Variants in KIF7 observed in about 807,000 individuals in gnomAD.
KIF7 encodes the protein kinesin family member 7.
KIF7 carries 104 observed loss-of-function variants against 135.7 expected under a neutral mutation model. That is an observed-to-expected ratio of 0.77 (90% confidence interval 0.65 to 0.90). The LOEUF is 0.90. KIF7 is among the 40% of genes least tolerant of loss of function. The pLI is 0.00. For missense variants in KIF7, 2,005 were observed against 1,839.1 expected, an observed-to-expected ratio of 1.09 and a Z score of -1.65; for synonymous variants, 883 against 809.4, an observed-to-expected ratio of 1.09 and a Z score of -1.54.
rs1490175423 is a variant in KIF7 at position 89,628,141 on chromosome 15, G to A, written c.*278C>T. 2 of 406,238 alleles carry A rather than the reference G, an allele frequency of 4.9e-6. No homozygotes were observed. Among genetic ancestry groups the A allele is most frequent in the Middle Eastern group, 6.5e-4 (1 of 1,530 alleles). 25.2% of individuals were successfully genotyped at this position (406,238 alleles called of 1,614,324 possible). On this transcript the variant is annotated 3_prime_UTR_variant, in exon 19 of 19. Coordinates refer to ENST00000394412, the MANE Select transcript of KIF7 (RefSeq NM_198525.3). ...ACTACAAGCACATCCATTTACGCCT[G>A]AAACCAGAATTGTCCTGAGATTCGA...
chr15:89,627,032 C>T, downstream of KIF7: 2 of 1,614,174 alleles, frequency 1.2e-6, no homozygotes, highest in Non-Finnish European at 8.5e-7. Context: ...GGCGCCCCAT[C>T]AGCAGAACTT....
At chr15:89,657,400 A>G (rs1303927017), upstream of KIF7, among the ~76,000 whole-genome samples, 1 of 151,960 alleles carries the variant, frequency 6.6e-6, no homozygotes, top group African/African-American at 2.4e-5. Flanking sequence ...AAAAACTTTC[A>G]TGTTACAATA....
rs778629024 is a variant in KIF7, at chr15:89,652,612, C to T, written c.319G>A (p.Ala107Thr). 29 of 1,525,078 alleles carry T rather than the reference C, an allele frequency of 1.9e-5. No homozygotes were observed. Among genetic ancestry groups the T allele is most frequent in the Non-Finnish European group, 2.6e-5 (29 of 1,127,812 alleles). 94.5% of individuals were successfully genotyped at this position (1,525,078 alleles called of 1,614,324 possible). Reference protein sequence around the residue: ...GSGKTYTMGEASVASLLEDEQ... With the variant: ...GSGKTYTMGETSVASLLEDEQ... ...GAACAGGGTCACTCACCCACACTGG[C>T]CTCCCCCATGGTGTATGTCTTCCCT... is the stretch of plus-strand genomic sequence containing the variant. The change falls in exon 2 of 19, where the codon GCC (alanine) becomes ACC (threonine). Residue 107 changes from alanine to threonine, a missense_variant. Transcript: ENST00000394412.
upstream of KIF7, among the ~76,000 whole-genome samples, chr15:89,655,704 C>G (rs1014831325): frequency 6.6e-6 from 1 of 152,212 alleles, no homozygotes; most frequent in Non-Finnish European, 1.5e-5. Context: ...ATCCTGTCCT[C>G]AGCCCCGAGT....
rs951219354 is a variant in KIF7, at chr15:89,646,678, C to T, written c.1788+152G>A. On this transcript the variant is annotated intron_variant, in intron 7 of 18. Transcript: ENST00000394412. ...AGAGTCATTCAAATCTTGGCTCTTC[C>T]TCTGGGGACAGCTGAAAGCAGCCTC... 1.1e-5 allele frequency: 8 copies of T among 740,930 alleles called. No individual in the cohort carries two copies. The African/African-American group carries it at 1.4e-4, about 13-fold the overall frequency. 45.9% of individuals were successfully genotyped at this position (740,930 alleles called of 1,614,324 possible).
chr15:89,622,122 A>C (rs1963437048), intron 1 of KIF7, among the ~76,000 whole-genome samples: 1 of 151,466 alleles, frequency 6.6e-6, no homozygotes, highest in Admixed American at 6.6e-5. Context: ...AGTAGCTAGG[A>C]TTACAGGCAC....
At position 89,631,619 on chromosome 15, in the gene KIF7, C is replaced by A; in HGVS notation, c.2987G>T (p.Ser996Ile). 1.3e-6 allele frequency: 2 copies of A among 1,561,072 alleles called. No homozygotes were observed. The highest frequency in any genetic ancestry group is 1.4e-5 in the African/African-American group (1 of 73,552). ...SEKSGQLRQG[S>I]AQSQQQIRGE... ...GCGGATCTGCTGCTGGCTCTGGGCG[C>A]TGCCCTGCCGCAGCTGCCCGCTCTT... Residue 996 changes from serine to isoleucine, a missense_variant, in exon 15 of 19, where the codon AGC becomes ATC. Physicochemically the swap from Ser to Ile is moderately radical, Grantham distance 142. Transcript: ENST00000394412.
chr15:89,624,214 T>C (rs1490641777), downstream of KIF7: 1 of 1,614,168 alleles, frequency 6.2e-7, no homozygotes, highest in Admixed American at 1.7e-5. Flanking sequence ...AACTGTGACT[T>C]CTTCCCCACC....
At position 89,652,946 on chromosome 15, in the gene KIF7, C is replaced by G. The variant is rs1171370221; in HGVS notation, c.-16G>C. On this transcript the variant is annotated 5_prime_UTR_variant, in exon 2 of 19. Transcript: ENST00000394412. ...CCAGCCCCATGCCGAGGGAGGACTG[C>G]TCTGGGCCCTGTGGAGAGAGAGAGA... The G allele has an allele frequency of 6.7e-7, 1 of 1,488,814 alleles. No individual in the cohort carries two copies. The highest frequency in any genetic ancestry group is 1.4e-5 in the African/African-American group (1 of 71,934). The allele number at this position is 1,488,814 out of a possible 1,614,324, so 92.2% of individuals were successfully genotyped here. A position where few individuals can be genotyped will look rare whatever the true frequency, so the allele number is the denominator to read the frequency against.
At position 89,642,314 on chromosome 15, in the gene KIF7, T is replaced by A. The variant is rs758677022; in HGVS notation, c.2283A>T (p.Glu761Asp). 24 of 1,610,964 alleles carry A rather than the reference T, an allele frequency of 1.5e-5. No individual in the cohort carries two copies. The highest frequency in any genetic ancestry group is 2.7e-5 in the African/African-American group (2 of 74,864). Reference sequence around the variant, plus strand: ...CGAGCTCCCGCAGCTGCCTCTGGCCTTCACTCAGCTCGGCCCGCACCTGCT... The same window carrying A: ...CGAGCTCCCGCAGCTGCCTCTGGCCATCACTCAGCTCGGCCCGCACCTGCT... ...EAEQVRAELSEGQRQLRELEG... is the reference protein window; with the variant it reads ...EAEQVRAELSDGQRQLRELEG... The change falls in exon 11 of 19, where the codon GAA becomes GAT. Residue 761 changes from glutamate (E) to aspartate (D), a missense_variant. Glu to Asp is a conservative substitution (Grantham distance 45). Coordinates refer to ENST00000394412, the MANE Select transcript of KIF7 (RefSeq NM_198525.3).
intron 9 of KIF7, 72 bp from the exon 10 acceptor site, chr15:89,645,237 G>A: frequency 1.2e-6 from 2 of 1,601,892 alleles, no homozygotes; most frequent in South Asian, 1.1e-5. Context: ...GAGAGCAGGG[G>A]CTGCCAGGGA....
At chr15:89,661,697 G>A in the KIF7 span, among the ~76,000 whole-genome samples, 50 of 152,104 alleles carry the variant, frequency 3.3e-4, no homozygotes, top group Non-Finnish European at 6.3e-4. Flanking sequence ...AAGCTTAGAA[G>A]AATTTGACTT....
chr15:89,629,398 T>C lies in KIF7; in HGVS notation c.3494A>G (p.Gln1165Arg). 6.2e-7 allele frequency: 1 copy of C among 1,602,880 alleles called. No homozygotes were observed. The highest frequency in any genetic ancestry group is 1.1e-5 in the South Asian group (1 of 90,988). ...LQQKEHEQNM[Q>R]LLLQQSRDHL... is the part of the protein sequence containing the mutation. ...ACCTCGACTCTGCTGCAGGAGCAGC[T>C]GCATGTTCTGCTCGTGCTCCTTCTG... Residue 1165 changes from glutamine to arginine, a missense_variant, in exon 17 of 19, where the codon CAG becomes CGG. Physicochemically the swap from Gln to Arg is conservative, Grantham distance 43. Transcript: ENST00000394412.
In KIF7 at chr15:89,628,451, C is replaced by G. The variant is rs1271173524; in HGVS notation, c.4000G>C (p.Gly1334Arg). 1 of 1,609,656 alleles carries G rather than the reference C, an allele frequency of 6.2e-7. No homozygotes were observed. The highest frequency in any genetic ancestry group is 8.5e-7 in the Non-Finnish European group (1 of 1,177,942). The change falls in exon 19 of 19, where the codon GGG (glycine) becomes CGG (arginine). Residue 1334 changes from glycine to arginine, a missense_variant. By Grantham distance (125) the Gly-to-Arg change is moderately radical. Coordinates refer to ENST00000394412, the MANE Select transcript of KIF7 (RefSeq NM_198525.3). Reference protein sequence around the residue: ...PRRELRRASPGMIDVRKNPL With the variant: ...PRRELRRASPRMIDVRKNPL Reference sequence around the variant, plus strand: ...GGGTTTTTCCGGACATCAATCATCCCCGGGCTGGCTCGTCGCAGTTCCCGC... The same window carrying G: ...GGGTTTTTCCGGACATCAATCATCCGCGGGCTGGCTCGTCGCAGTTCCCGC...
chr15:89,617,610 C>T (rs977695275), intron 2 of KIF7, among the ~76,000 whole-genome samples: 1 of 152,132 alleles, frequency 6.6e-6, no homozygotes, highest in Non-Finnish European at 1.5e-5. Flanking sequence ...GCAACCTCTG[C>T]CTCCCAGGTT....
downstream of KIF7, chr15:89,625,558 T>TCGCCTCCCAGGAACAGC: frequency 1.9e-6 from 3 of 1,613,134 alleles, no homozygotes; most frequent in Non-Finnish European, 2.5e-6. Flanking sequence ...CCCAGACCAG[T>TCGCCTCCCAGGAACAGC]CGCCTCCCAG....
rs2142029275 is a variant in KIF7, at chr15:89,648,656, T to C, written c.1042A>G (p.Asn348Asp). Residue 348 changes from asparagine (N) to aspartate (D), a missense_variant, in exon 5 of 19, where the codon AAC (asparagine) becomes GAC (aspartate). Transcript: ENST00000394412. The stretch of plus-strand genomic sequence containing the variant: ...TTGACCGTGGCGCGGTTGCGGATGT[T>C]CTGGGCGCGGCTGGCGTAGTTGAGG... Reference protein sequence around the residue: ...NTLNYASRAQNIRNRATVNWR... With the variant: ...NTLNYASRAQDIRNRATVNWR... 6.5e-7 allele frequency: 1 copy of C among 1,535,882 alleles called. No individual in the cohort carries two copies. Among genetic ancestry groups the C allele is most frequent in the Admixed American group, 2.0e-5 (1 of 50,952 alleles).
intron 1 of KIF7, chr15:89,619,817 C>A: frequency 6.2e-7 from 1 of 1,612,588 alleles, no homozygotes; most frequent in Non-Finnish European, 8.5e-7. Flanking sequence ...TGCAAAGAGT[C>A]CACTCTTTCC....
At chr15:89,644,875 G>C (rs1298094457) in intron 10 of KIF7, 138 bp downstream of exon 10, 1 of 1,102,366 alleles carries the variant, frequency 9.1e-7, no homozygotes, top group Non-Finnish European at 1.3e-6. Flanking sequence ...GCTGGAAGAG[G>C]CTGGGCTGAG....
Sources: gnomAD v4.1 joint callset for allele counts (sites outside exome capture counted in the v4.1 genomes callset) on GRCh38, gnomAD v4.1.1 for gene constraint, MANE v1.5 for transcripts, NCBI Gene and HGNC (gene_info 2026-07-23, HGNC 2026-07-21) for gene names.